Variants in DDX31 observed in about 807,000 individuals in gnomAD.
DDX31 encodes ATP-dependent DNA helicase DDX31.
Under a neutral mutation model 91.3 loss-of-function variants are expected in DDX31, and 70 were observed. The ratio of observed to expected loss-of-function variants is 0.77; its 90% CI spans 0.63 to 0.94. The LOEUF (loss-of-function observed/expected upper bound fraction) is 0.94. Ranked by LOEUF, DDX31 falls within the 40% of genes least tolerant of loss-of-function variation. The pLI is 0.00. For synonymous variants in DDX31, 362 were observed against 350.6 expected, an observed-to-expected ratio of 1.03 and a Z score of -0.36; for missense variants, 902 against 925.0, an observed-to-expected ratio of 0.98 and a Z score of 0.32.
chr9:132,650,971 G>A, intron 8 of DDX31, 104 bp downstream of exon 8: 2 of 1,208,542 alleles, frequency 1.7e-6, no homozygotes, highest in South Asian at 1.4e-5. Flanking sequence ...CAGGCAAAAG[G>A]AAATAATTCT....
intron 1 of DDX31, among the ~76,000 whole-genome samples, chr9:132,663,951 C>G (rs1835145860): frequency 6.6e-6 from 1 of 152,136 alleles, no homozygotes; most frequent in African/African-American, 2.4e-5. Context: ...CAGACTTCAC[C>G]TGATTTACAG....
chr9:132,595,193 G>C lies in DDX31; in HGVS notation c.1995-81C>G. ...TTTGGAAAGAGGCTGATAGCAGCTG[G>C]TTCTGAGACTGTGAAGCTGACATTT... On this transcript the variant is annotated intron_variant, in intron 19 of 19. Coordinates refer to ENST00000372159, the MANE Select transcript of DDX31 (RefSeq NM_022779.9). The surrounding 1 kb of genome is among the most constrained non-coding windows in gnomAD (Gnocchi z 4.6). 6.6e-7 allele frequency: 1 copy of C among 1,516,602 alleles called. No homozygotes were observed. Among genetic ancestry groups the C allele is most frequent in the Non-Finnish European group, 8.9e-7 (1 of 1,127,834 alleles). The allele number at this position is 1,516,602 out of a possible 1,614,324, so 93.9% of individuals were successfully genotyped here. A position where few individuals can be genotyped will look rare whatever the true frequency, so the allele number is the denominator to read the frequency against.
At chr9:132,618,836 A>G (rs1010796669) in intron 17 of DDX31, among the ~76,000 whole-genome samples, 3 of 152,232 alleles carry the variant, frequency 2.0e-5, no homozygotes, top group Non-Finnish European at 2.9e-5. Flanking sequence ...CCTCACGCGC[A>G]TCAGTGGAAC....
chr9:132,647,792 T>C (rs1012993357), intron 11 of DDX31, among the ~76,000 whole-genome samples: 19 of 152,154 alleles, frequency 1.2e-4, no homozygotes, highest in African/African-American at 3.4e-4. Flanking sequence ...ATTTTTTAAG[T>C]TTAATAGCTC....
intron 14 of DDX31, 150 bp from the exon 15 acceptor site, chr9:132,632,241 T>TTACACACACACACAC: frequency 1.1e-5 from 1 of 91,764 alleles, no homozygotes; most frequent in African/African-American, 7.1e-5. Context: ...CCAGTACGTG[T>TTACACACACACACAC]ACACACACAC....
chr9:132,663,010 T>C (rs1219492076), intron 1 of DDX31, among the ~76,000 whole-genome samples: 3 of 152,172 alleles, frequency 2.0e-5, no homozygotes, highest in African/African-American at 4.8e-5. Flanking sequence ...TGTTAACTAA[T>C]GGAGTCTGTT....
intron 19 of DDX31, among the ~76,000 whole-genome samples, chr9:132,598,820 C>T (rs778601610): frequency 5.3e-5 from 8 of 152,162 alleles, no homozygotes; most frequent in African/African-American, 1.9e-4. Flanking sequence ...TCTAGGATTT[C>T]AAAAATATTA....
At chr9:132,648,636 G>A in intron 9 of DDX31, 85 bp from the exon 10 acceptor site, 1 of 1,493,730 alleles carries the variant, frequency 6.7e-7, no homozygotes. Context: ...AAAATAGACA[G>A]ACTCATTTCA....
intron 6 of DDX31, among the ~76,000 whole-genome samples, chr9:132,655,658 A>C (rs1040578217): frequency 3.3e-5 from 5 of 152,172 alleles, no homozygotes; most frequent in African/African-American, 9.7e-5. Context: ...GGTACATTAT[A>C]TCTAAAAAGT....
At chr9:132,603,407 C>A (rs1201393208) in intron 19 of DDX31, among the ~76,000 whole-genome samples, 1 of 151,992 alleles carries the variant, frequency 6.6e-6, no homozygotes, top group African/African-American at 2.4e-5. Context: ...TGGAGGGGTC[C>A]GGGATACACA....
At chr9:132,662,180 T>C (rs1835002191) in intron 3 of DDX31, 81 bp downstream of exon 3, 2 of 1,366,870 alleles carry the variant, frequency 1.5e-6, no homozygotes, top group South Asian at 1.2e-5. Context: ...TCTCTCCTCC[T>C]AGAGCGGCCA....
intron 1 of DDX31, among the ~76,000 whole-genome samples, chr9:132,668,676 T>C (rs1469925475): frequency 6.6e-6 from 1 of 151,684 alleles, no homozygotes; most frequent in Admixed American, 6.6e-5. Context: ...CACGCCATTC[T>C]CCTGCCTCAG....
At chr9:132,634,835 C>T (rs901826100) in intron 14 of DDX31, among the ~76,000 whole-genome samples, 11 of 151,982 alleles carry the variant, frequency 7.2e-5, no homozygotes, top group Admixed American at 3.9e-4. Flanking sequence ...CCTCCCAAAG[C>T]GTTGGGATTA....
At chr9:132,603,373 G>C (rs922295916) in intron 19 of DDX31, among the ~76,000 whole-genome samples, 1 of 152,214 alleles carries the variant, frequency 6.6e-6, no homozygotes, top group African/African-American at 2.4e-5. Context: ...AGATGGAAAG[G>C]CTCTGACATC....
At chr9:132,647,643 T>C (rs943345727) in intron 11 of DDX31, among the ~76,000 whole-genome samples, 5 of 152,186 alleles carry the variant, frequency 3.3e-5, no homozygotes, top group Non-Finnish European at 5.9e-5. Context: ...GCTGCACTGC[T>C]GGTCAATGAC....
At chr9:132,635,710 C>T (rs1833070384) in intron 14 of DDX31, among the ~76,000 whole-genome samples, 4 of 151,584 alleles carry the variant, frequency 2.6e-5, no homozygotes, top group Admixed American at 2.6e-4. Flanking sequence ...CTTTGGGGGG[C>T]CGAGGTGGGT....
chr9:132,649,326 G>A (rs1281178197), intron 9 of DDX31, among the ~76,000 whole-genome samples: 2 of 152,144 alleles, frequency 1.3e-5, no homozygotes, highest in South Asian at 2.1e-4. Context: ...AAGGGAACAC[G>A]CCAATCACAC....
chr9:132,658,432 C>A (rs537641358), intron 6 of DDX31: 2 of 695,094 alleles, frequency 2.9e-6, no homozygotes, highest in Non-Finnish European at 5.3e-6. Flanking sequence ...GCCTGACACA[C>A]GGGGAGCATC....
chr9:132,648,300 G>T lies in DDX31; in HGVS notation c.861-5C>A, dbSNP rs769753402. The T allele has an allele frequency of 2.7e-5, 44 of 1,602,922 alleles. No individual in the cohort carries two copies. The East Asian group carries it at 9.8e-4, about 36-fold the overall frequency. On this transcript the variant is annotated splice_polypyrimidine_tract_variant and splice_region_variant and intron_variant, in intron 10 of 19. Coordinates refer to ENST00000372159, the MANE Select transcript of DDX31 (RefSeq NM_022779.9). ...TCAAAACCCAAATCCAAGATTCTGT[G>T]ATTGTAAAAAAAAAAAGAAATTTTC...
Sources: gnomAD v4.1 joint callset for allele counts (sites outside exome capture counted in the v4.1 genomes callset) on GRCh38, gnomAD v4.1.1 for gene constraint, Gnocchi (gnomAD v3.1) non-coding constraint, MANE v1.5 for transcripts, NCBI Gene and HGNC (gene_info 2026-07-23, HGNC 2026-07-21) for gene names.